CAPZB: variants seen among roughly 807,000 people sequenced by gnomAD.
CAPZB encodes the protein capping actin protein of muscle Z-line subunit beta.
Under a neutral mutation model 38.1 loss-of-function variants are expected in CAPZB, and 2 were observed. That is an observed-to-expected ratio of 0.05 (90% CI 0.02 to 0.17). The LOEUF is 0.17. Ranked by LOEUF, CAPZB falls within the 10% of genes least tolerant of loss-of-function variation. The probability of loss-of-function intolerance (pLI) is 1.00; values close to 1 mark genes in which losing one functional copy is unlikely to be tolerated. For missense variants in CAPZB, 161 were observed against 334.2 expected, an observed-to-expected ratio of 0.48 and a Z score of 4.04; for synonymous variants, 107 against 127.4, an observed-to-expected ratio of 0.84 and a Z score of 1.08.
chr1:19,452,567 CAG>C (rs1251996931), intron 1 of CAPZB, among the ~76,000 whole-genome samples: 3 of 152,282 alleles, frequency 2.0e-5, no homozygotes, highest in East Asian at 3.9e-4. Context: ...ACCCTGAAGG[CAG>C]AGTCAGCACG....
chr1:19,377,856 G>C (rs555755776), intron 4 of CAPZB, among the ~76,000 whole-genome samples: 2 of 152,232 alleles, frequency 1.3e-5, no homozygotes, highest in Non-Finnish European at 2.9e-5. Flanking sequence ...AATCTCAACA[G>C]ATCTAGCAAA....
intron 4 of CAPZB, among the ~76,000 whole-genome samples, chr1:19,359,942 G>T (rs1186717236): frequency 6.6e-6 from 1 of 152,230 alleles, no homozygotes. Context: ...GAGGTAAGCA[G>T]ATGAGTGTTT....
chr1:19,438,211 G>A (rs538883944), intron 1 of CAPZB, among the ~76,000 whole-genome samples: 16 of 152,310 alleles, frequency 1.1e-4, no homozygotes, highest in Admixed American at 9.8e-4. Flanking sequence ...AGAAGAGGCT[G>A]GAAAACTAGG....
intron 1 of CAPZB, among the ~76,000 whole-genome samples, chr1:19,447,475 T>A (rs1416705213): frequency 6.6e-6 from 1 of 151,120 alleles, no homozygotes; most frequent in Non-Finnish European, 1.5e-5. Context: ...CCTCGGGTGA[T>A]CTGCCCACCT....
chr1:19,420,767 C>T (rs2094398417), intron 1 of CAPZB, among the ~76,000 whole-genome samples: 1 of 152,152 alleles, frequency 6.6e-6, no homozygotes, highest in Non-Finnish European at 1.5e-5. Context: ...CTGTGCTTCA[C>T]CATACTCTCC....
intron 4 of CAPZB, among the ~76,000 whole-genome samples, chr1:19,364,841 C>CT (rs754275666): frequency 0.015 from 2,275 of 147,886 alleles, 55 homozygotes; most frequent in African/African-American, 0.052. Context: ...AGTATTTTTT[C>CT]TTTTTTTTTT....
chr1:19,350,814 T>G (rs1193871495), intron 6 of CAPZB, among the ~76,000 whole-genome samples: 13 of 151,948 alleles, frequency 8.6e-5, no homozygotes, highest in Non-Finnish European at 5.9e-5. Flanking sequence ...GATGGGGTCT[T>G]ACTTTGTTGC....
At chr1:19,401,249 C>G (rs4911989) in intron 2 of CAPZB, among the ~76,000 whole-genome samples, 33,252 of 151,372 alleles carry the variant, frequency 0.22, 3,952 homozygotes, top group East Asian at 0.36. Flanking sequence ...TGAGGGCTTT[C>G]AAGGAGACTT....
intron 1 of CAPZB, among the ~76,000 whole-genome samples, chr1:19,438,038 C>A (rs565100845): frequency 6.6e-6 from 1 of 152,254 alleles, no homozygotes; most frequent in Non-Finnish European, 1.5e-5. Flanking sequence ...GTGCCCCAGA[C>A]GAGGAATCCA....
chr1:19,367,145 CA>C (rs1307562578), intron 4 of CAPZB, among the ~76,000 whole-genome samples: 8 of 152,246 alleles, frequency 5.3e-5, no homozygotes, highest in African/African-American at 1.7e-4. Flanking sequence ...CACAATGTTG[CA>C]AAGTCCAGAG....
intron 2 of CAPZB, among the ~76,000 whole-genome samples, chr1:19,389,426 T>G (rs1256337170): frequency 7.6e-6 from 1 of 131,184 alleles, no homozygotes; most frequent in African/African-American, 2.8e-5. Context: ...ACATGGGTCG[T>G]GTGTTTTTTT....
intron 6 of CAPZB, among the ~76,000 whole-genome samples, chr1:19,353,293 G>C (rs558677477): frequency 2.0e-5 from 3 of 152,188 alleles, no homozygotes; most frequent in Non-Finnish European, 2.9e-5. Flanking sequence ...GGGCATGTGA[G>C]CGTGGGTGAC....
intron 1 of CAPZB, among the ~76,000 whole-genome samples, chr1:19,444,237 G>A (rs1042737961): frequency 2.0e-5 from 3 of 152,140 alleles, no homozygotes; most frequent in African/African-American, 4.8e-5. Flanking sequence ...AGAGGCAGGT[G>A]TGTCTCTGGC....
chr1:19,437,537 C>G (rs1291457746), intron 1 of CAPZB, among the ~76,000 whole-genome samples: 1 of 152,124 alleles, frequency 6.6e-6, no homozygotes, highest in Non-Finnish European at 1.5e-5. Context: ...ATGCTAAGTC[C>G]GCTAGCCTCG....
intron 4 of CAPZB, among the ~76,000 whole-genome samples, chr1:19,372,137 C>T (rs968515961): frequency 1.3e-5 from 2 of 152,242 alleles, no homozygotes; most frequent in Non-Finnish European, 2.9e-5. Context: ...AAGATTATCT[C>T]AGAACTGAAG....
intron 2 of CAPZB, among the ~76,000 whole-genome samples, chr1:19,408,248 G>A (rs1486251361): frequency 6.6e-6 from 1 of 152,186 alleles, no homozygotes. Flanking sequence ...TGAGCCAATC[G>A]GCCCTAGGAA....
intron 1 of CAPZB, among the ~76,000 whole-genome samples, chr1:19,442,390 G>A (rs771888679): frequency 1.3e-5 from 2 of 152,106 alleles, no homozygotes; most frequent in Non-Finnish European, 2.9e-5. Context: ...CGCTGGGCAC[G>A]GAGGATAACT....
intron 6 of CAPZB, among the ~76,000 whole-genome samples, chr1:19,347,094 G>C (rs1173412635): frequency 6.6e-6 from 1 of 151,876 alleles, no homozygotes; most frequent in African/African-American, 2.4e-5. Context: ...ACCTGCCTCA[G>C]CCTCCCGAAG....
chr1:19,483,480 G>A (rs2094637895), intron 1 of CAPZB, among the ~76,000 whole-genome samples: 1 of 152,222 alleles, frequency 6.6e-6, no homozygotes, highest in Non-Finnish European at 1.5e-5. Flanking sequence ...GCTTGTACAG[G>A]TGAAGCACAC....
Sources: allele counts gnomAD v4.1 joint callset (sites outside exome capture counted in the v4.1 genomes callset), GRCh38; gene constraint gnomAD v4.1.1; transcripts MANE v1.5; gene names NCBI Gene and HGNC (gene_info 2026-07-23, HGNC 2026-07-21).